IL20RA: variants seen among roughly 807,000 people sequenced by gnomAD.
IL20RA encodes the protein interleukin 20 receptor subunit alpha.
In IL20RA, 29 loss-of-function variants were observed where a neutral mutation model predicts 36.5. That is an observed-to-expected ratio of 0.79 (90% CI 0.59 to 1.08). The LOEUF (loss-of-function observed/expected upper bound fraction) is 1.08, where lower values mean the gene tolerates loss of function less well. IL20RA is among the 50% of genes least tolerant of loss of function. The pLI is 0.00. For synonymous variants in IL20RA, 279 were observed against 267.1 expected (o/e 1.04, Z -0.43); for missense variants, 652 against 668.4 (o/e 0.98, Z 0.27).
chr6:137,028,630 T>C (rs1337589853), intron 1 of IL20RA, among the ~76,000 whole-genome samples: 1 of 152,200 alleles, frequency 6.6e-6, no homozygotes, highest in East Asian at 1.9e-4. Flanking sequence ...AACATGTTTT[T>C]TTAGTATTTT....
Position 137,000,939 on chromosome 6 carries a change from A to G in IL20RA, c.*619T>C, listed in dbSNP as rs372335160. The G allele has an allele frequency of 5.3e-5, 8 of 152,346 alleles. No individual in the cohort carries two copies. The South Asian group carries it at 1.2e-3, about 24-fold the overall frequency. 9.4% of individuals were successfully genotyped at this position (152,346 alleles called of 1,614,324 possible). On this transcript the variant is annotated 3_prime_UTR_variant, in exon 7 of 7. Transcript: ENST00000316649. ...ATGTTTACACTCCAGAACTACTCATAAAGTATTAAAGATGGCCTCTTAAAG... is the reference window on the plus strand; with the variant it reads ...ATGTTTACACTCCAGAACTACTCATGAAGTATTAAAGATGGCCTCTTAAAG...
chr6:137,012,622 A>G (rs571685358), intron 2 of IL20RA, among the ~76,000 whole-genome samples: 1 of 152,332 alleles, frequency 6.6e-6, no homozygotes, highest in South Asian at 2.1e-4. Flanking sequence ...TTGATGGCAC[A>G]AGCATGAATG....
At chr6:137,030,061 G>A (rs1051656453) in intron 1 of IL20RA, among the ~76,000 whole-genome samples, 4 of 134,638 alleles carry the variant, frequency 3.0e-5, no homozygotes, top group Admixed American at 1.7e-4. Flanking sequence ...AAATGTCAGC[G>A]GTTTGCGGGT....
In IL20RA at chr6:137,017,004, T is replaced by A; in HGVS notation, c.188A>T (p.Gln63Leu). Residue 63 changes from glutamine to leucine, a missense_variant, in exon 2 of 7, where the codon CAA (glutamine) becomes CTA (leucine). Gln to Leu is a moderately radical substitution (Grantham distance 113, BLOSUM62 -2). Coordinates refer to ENST00000316649, the MANE Select transcript of IL20RA (RefSeq NM_014432.4). ...VLQWTPPEGL[Q>L]GVKVTYTVQY... ...CACAGTGTAAGTAACTTTAACTCCTTGAAGACCCTCTGGTGGAGTCCATTG... is the reference window on the plus strand; with the variant it reads ...CACAGTGTAAGTAACTTTAACTCCTAGAAGACCCTCTGGTGGAGTCCATTG... 6.2e-7 allele frequency: 1 copy of A among 1,613,676 alleles called. No individual in the cohort carries two copies. The highest frequency in any genetic ancestry group is 1.1e-5 in the South Asian group (1 of 91,064).
intron 1 of IL20RA, among the ~76,000 whole-genome samples, chr6:137,036,837 A>T (rs1776509422): frequency 6.6e-6 from 1 of 152,232 alleles, no homozygotes; most frequent in Non-Finnish European, 1.5e-5. Flanking sequence ...TCTTTCCTCA[A>T]CAATGAGCAC....
chr6:137,031,704 T>A (rs899743393), intron 1 of IL20RA, among the ~76,000 whole-genome samples: 5 of 152,030 alleles, frequency 3.3e-5, no homozygotes, highest in African/African-American at 1.2e-4. Context: ...GTTACAGAAC[T>A]ATGTCCTTCG....
intron 6 of IL20RA, 39 bp from the exon 7 acceptor site, chr6:137,002,394 T>G: frequency 3.6e-6 from 5 of 1,385,816 alleles, no homozygotes; most frequent in Non-Finnish European, 4.9e-6. Flanking sequence ...CCTTTTCACT[T>G]TAGAGAGACA....
chr6:137,027,005 C>T (rs57575917), intron 1 of IL20RA, among the ~76,000 whole-genome samples: 1,645 of 152,214 alleles, frequency 0.011, 34 homozygotes, highest in African/African-American at 0.038. Context: ...CCTCAGCCTC[C>T]TGAGTAGCTG....
At chr6:137,017,715 T>A (rs1221979292) in intron 1 of IL20RA, among the ~76,000 whole-genome samples, 2 of 151,802 alleles carry the variant, frequency 1.3e-5, no homozygotes, top group Non-Finnish European at 2.9e-5. Context: ...TACTAAAGAA[T>A]ATAGTAAAGC....
intron 1 of IL20RA, among the ~76,000 whole-genome samples, chr6:137,022,796 C>G (rs1205637452): frequency 6.6e-6 from 1 of 152,082 alleles, no homozygotes; most frequent in African/African-American, 2.4e-5. Flanking sequence ...TGGGAAGACA[C>G]AGAGACACAA....
At chr6:137,044,429 A>T (rs951686648) in intron 1 of IL20RA, 53 of 918,086 alleles carry the variant, frequency 5.8e-5, no homozygotes, top group Middle Eastern at 8.5e-4. Flanking sequence ...CTTGACCCCG[A>T]GCCAAGGTGC....
intron 5 of IL20RA, among the ~76,000 whole-genome samples, chr6:137,005,664 G>T (rs774168540): frequency 3.3e-5 from 5 of 151,860 alleles, no homozygotes; most frequent in South Asian, 2.1e-4. Context: ...TGTTGTTGTT[G>T]TTTTTTTTAA....
rs748650839 is a variant in IL20RA, at chr6:137,001,780, G to A, written c.1440C>T (p.Val480=). Residue 480 remains valine, a synonymous_variant, in exon 7 of 7, where the codon GTC becomes GTT. Coordinates refer to ENST00000316649, the MANE Select transcript of IL20RA (RefSeq NM_014432.4). The stretch of plus-strand genomic sequence containing the variant: ...GCCTGCCAGTTTGGGGATCCCAGTC[G>A]ACCAGGGTCGTCGATGGCTCTTCCT... ...GPEEEPSTTL[V]DWDPQTGRLC... 58 of 1,612,618 alleles carry A rather than the reference G, an allele frequency of 3.6e-5. No individual in the cohort carries two copies. Among genetic ancestry groups the A allele is most frequent in the Admixed American group, 2.5e-4 (15 of 59,938 alleles).
chr6:137,036,107 G>A (rs1776482127), intron 1 of IL20RA, among the ~76,000 whole-genome samples: 2 of 152,194 alleles, frequency 1.3e-5, no homozygotes, highest in South Asian at 4.1e-4. Flanking sequence ...GAAAGCACAA[G>A]AGAAGACCTC....
chr6:137,035,067 C>T (rs1348367093), intron 1 of IL20RA, among the ~76,000 whole-genome samples: 1 of 152,030 alleles, frequency 6.6e-6, no homozygotes, highest in African/African-American at 2.4e-5. Context: ...TGATCCCATT[C>T]CTTTTTATGG....
intron 1 of IL20RA, among the ~76,000 whole-genome samples, chr6:137,035,403 C>A (rs1231969066): frequency 6.6e-6 from 1 of 152,188 alleles, no homozygotes; most frequent in African/African-American, 2.4e-5. Flanking sequence ...TGCCTGACAC[C>A]ATTATTAGAT....
intron 5 of IL20RA, among the ~76,000 whole-genome samples, chr6:137,005,141 C>T (rs1018572002): frequency 2.0e-5 from 3 of 152,222 alleles, no homozygotes; most frequent in African/African-American, 7.2e-5. Context: ...AAACAAACAA[C>T]AAAACCCTCC....
At chr6:137,015,795 T>C (rs1229811223) in intron 2 of IL20RA, among the ~76,000 whole-genome samples, 1 of 152,172 alleles carries the variant, frequency 6.6e-6, no homozygotes, top group African/African-American at 2.4e-5. Flanking sequence ...TAGATGGGAC[T>C]ACAGGCATGC....
Position 137,008,669 on chromosome 6 carries a change from C to T in IL20RA, c.654G>A (p.Val218=). The T allele has an allele frequency of 6.2e-7, 1 of 1,609,286 alleles. No homozygotes were observed. The highest frequency in any genetic ancestry group is 1.1e-5 in the South Asian group (1 of 89,372). Residue 218 remains valine (V), a synonymous_variant, in exon 5 of 7, where the codon GTG becomes GTA. Transcript: ENST00000316649. The part of the protein sequence containing the change: ...LEPNTLYCVH[V]ESFVPGPPRR... ...GAGGGGGCCCTGGGACGAAGGACTC[C>T]ACGTGTACGCAGTAAAGAGTGTTCG...
Sources: allele counts gnomAD v4.1 joint callset (sites outside exome capture counted in the v4.1 genomes callset), GRCh38; gene constraint gnomAD v4.1.1; transcripts MANE v1.5; gene names NCBI Gene and HGNC (gene_info 2026-07-23, HGNC 2026-07-21).